The following ZMYND12 variants were observed in gnomAD, a reference collection of about 807,000 sequenced individuals.
ZMYND12 encodes zinc finger MYND domain-containing protein 12.
ZMYND12 carries 32 observed loss-of-function variants against 41.7 expected under a neutral mutation model. The observed-to-expected ratio is 0.77, with a 90% CI of 0.58 to 1.03. The LOEUF (loss-of-function observed/expected upper bound fraction) is 1.03. ZMYND12 is among the 50% of genes least tolerant of loss of function. ZMYND12 has a pLI of 0.00. For missense variants in ZMYND12, 424 were observed against 438.5 expected (o/e 0.97, Z 0.30); for synonymous variants, 148 against 164.8 (o/e 0.90, Z 0.78).
At chr1:42,449,847 C>T in intron 2 of ZMYND12, 71 bp downstream of exon 2, 1 of 1,576,792 alleles carries the variant, frequency 6.3e-7, no homozygotes, top group Non-Finnish European at 8.6e-7. Flanking sequence ...GATCCCAACA[C>T]AGTTCGAGCC....
chr1:42,438,877 G>T (rs778347677), intron 4 of ZMYND12, among the ~76,000 whole-genome samples: 1 of 152,138 alleles, frequency 6.6e-6, no homozygotes, highest in Non-Finnish European at 1.5e-5. Context: ...CAGATTTCAC[G>T]CCCAGGAACT....
intron 3 of ZMYND12, among the ~76,000 whole-genome samples, chr1:42,444,603 G>C (rs1643003143): frequency 6.6e-6 from 1 of 152,042 alleles, no homozygotes; most frequent in South Asian, 2.1e-4. Flanking sequence ...GAGGTTTCAG[G>C]TACTGTGAAA....
intron 1 of ZMYND12, 144 bp downstream of exon 1, chr1:42,455,744 G>A (rs1643161531): frequency 6.6e-6 from 4 of 607,806 alleles, no homozygotes; most frequent in South Asian, 2.0e-5. Flanking sequence ...GGCCACGGGA[G>A]TCTTAGGGGC....
chr1:42,447,720 T>G (rs937219319), intron 3 of ZMYND12, among the ~76,000 whole-genome samples: 3 of 152,226 alleles, frequency 2.0e-5, no homozygotes, highest in Admixed American at 6.5e-5. Context: ...ACAGTTTTAC[T>G]TTTAAAAAAG....
At chr1:42,440,418 T>C (rs1404031630) in intron 3 of ZMYND12, among the ~76,000 whole-genome samples, 1 of 152,146 alleles carries the variant, frequency 6.6e-6, no homozygotes, top group South Asian at 2.1e-4. Context: ...ATTCCATTTA[T>C]ATGAAATGTC....
chr1:42,451,331 G>A (rs1254242970), intron 1 of ZMYND12, among the ~76,000 whole-genome samples: 2 of 152,142 alleles, frequency 1.3e-5, no homozygotes, highest in African/African-American at 2.4e-5. Flanking sequence ...TTTGCTGCAT[G>A]TATTTTGAGG....
chr1:42,448,570 A>G lies in ZMYND12; in HGVS notation c.321T>C (p.Ala107=), dbSNP rs1406945312. The part of the protein sequence containing the change: ...KYLFEGKHED[A]VPAALQSLRF... ...GAAGGGACTGCAAAGCTGCTGGTAC[A>G]GCATCTTCGTGTTTCCCTTCAAAGA... Residue 107 remains alanine, a synonymous_variant, in exon 3 of 8, where the codon GCT becomes GCC. Transcript: ENST00000372565. 6.2e-7 allele frequency: 1 copy of G among 1,613,896 alleles called. No individual in the cohort carries two copies. Among genetic ancestry groups the G allele is most frequent in the Non-Finnish European group, 8.5e-7 (1 of 1,179,894 alleles).
At chr1:42,444,095 T>C (rs1012259300) in intron 3 of ZMYND12, among the ~76,000 whole-genome samples, 1 of 152,144 alleles carries the variant, frequency 6.6e-6, no homozygotes, top group African/African-American at 2.4e-5. Context: ...ATTCCTGGGC[T>C]CAAGAGATCC....
intron 1 of ZMYND12, among the ~76,000 whole-genome samples, chr1:42,451,488 T>C (rs1002428896): frequency 1.3e-5 from 2 of 152,198 alleles, no homozygotes; most frequent in African/African-American, 4.8e-5. Flanking sequence ...AGAAAAGCTT[T>C]TCTGTAAAGG....
intron 3 of ZMYND12, among the ~76,000 whole-genome samples, chr1:42,445,481 A>G (rs1174152988): frequency 6.6e-6 from 1 of 151,392 alleles, no homozygotes; most frequent in African/African-American, 2.4e-5. Flanking sequence ...GAGCCCTGGG[A>G]AAGCTTCTAG....
intron 1 of ZMYND12, among the ~76,000 whole-genome samples, chr1:42,450,990 T>C (rs1156292681): frequency 6.6e-6 from 1 of 152,244 alleles, no homozygotes; most frequent in Non-Finnish European, 1.5e-5. Flanking sequence ...TATTTTATGG[T>C]CTAATATATG....
chr1:42,430,759 T>A lies in ZMYND12; in HGVS notation c.1075A>T (p.Thr359Ser). ...TIQELLSLIS[T>S]EDHPIT ...CACTAAGTAATGGGATGGTCTTCAG[T>A]TGAAATGAGACTTAATAACTCTTGA... The change falls in exon 8 of 8, where the codon ACT (threonine) becomes TCT (serine). Residue 359 changes from threonine to serine, a missense_variant. Transcript: ENST00000372565. 6.2e-7 allele frequency: 1 copy of A among 1,614,124 alleles called. No homozygotes were observed. Among genetic ancestry groups the A allele is most frequent in the Non-Finnish European group, 8.5e-7 (1 of 1,180,004 alleles).
At position 42,436,525 on chromosome 1, in the gene ZMYND12, C is replaced by A; in HGVS notation, c.613G>T (p.Ala205Ser). The change falls in exon 5 of 8, where the codon GCA becomes TCA. Residue 205 changes from alanine to serine, a missense_variant. Physicochemically the swap from Ala to Ser is moderately conservative, Grantham distance 99. Transcript: ENST00000372565. ...GTCCTAATGTCCTCTGTTCCAAATGCACAACTGGCAAAATAAATCTATAGC... is the reference window on the plus strand; with the variant it reads ...GTCCTAATGTCCTCTGTTCCAAATGAACAACTGGCAAAATAAATCTATAGC... ...LANDIYFASC[A>S]FGTEDIRTSG... 6.2e-7 allele frequency: 1 copy of A among 1,613,156 alleles called. No homozygotes were observed. The highest frequency in any genetic ancestry group is 1.1e-5 in the South Asian group (1 of 91,066).
chr1:42,455,991 C>T lies in ZMYND12; in HGVS notation c.7G>A (p.Val3Met), dbSNP rs765610907. The change falls in exon 1 of 8, where the codon GTG (valine) becomes ATG (methionine). Residue 3 changes from valine (V) to methionine (M), a missense_variant. Val to Met is a conservative substitution (Grantham distance 21). Transcript: ENST00000372565. MNVIYPLAVPKGR... is the reference protein window; with the variant it reads MNMIYPLAVPKGR... ...TTGGGGACTGCCAGTGGGTAGATCA[C>T]ATTCATGGTGCAGCCAGCAGTGCTG... 1.9e-6 allele frequency: 3 copies of T among 1,611,742 alleles called. No individual in the cohort carries two copies. The East Asian group carries it at 6.7e-5, about 36-fold the overall frequency.
intron 3 of ZMYND12, among the ~76,000 whole-genome samples, chr1:42,447,961 G>A (rs1216842921): frequency 6.6e-6 from 1 of 152,098 alleles, no homozygotes; most frequent in Non-Finnish European, 1.5e-5. Context: ...TGTCTTCTAC[G>A]AATTTGTATT....
At chr1:42,431,597 T>C (rs758936980) in intron 7 of ZMYND12, among the ~76,000 whole-genome samples, 15 of 152,178 alleles carry the variant, frequency 9.9e-5, no homozygotes, top group South Asian at 8.3e-4. Flanking sequence ...CCAGTCTTGA[T>C]GGATAGATAG....
At chr1:42,448,750 AG>A in intron 2 of ZMYND12, 112 bp from the exon 3 acceptor site, 1 of 1,072,162 alleles carries the variant, frequency 9.3e-7, no homozygotes, top group Non-Finnish European at 1.3e-6. Flanking sequence ...AAAGGCACAT[AG>A]TGAGCCTGCC....
rs1205406531 is a variant in ZMYND12 at position 42,439,903 on chromosome 1, T to C, written c.547A>G (p.Ile183Val). The stretch of plus-strand genomic sequence containing the variant: ...GCCTCTTCATAGTTTTTCTTAGCTA[T>C]ATAGAGAAGTCCCAGATTCCGATGC... ...LLHRNLGLLY[I>V]AKKNYEEARY... is the part of the protein sequence containing the mutation. The change falls in exon 4 of 8, where the codon ATA (isoleucine) becomes GTA (valine). Residue 183 changes from isoleucine to valine, a missense_variant. Physicochemically the swap from Ile to Val is conservative, Grantham distance 29. Coordinates refer to ENST00000372565, the MANE Select transcript of ZMYND12 (RefSeq NM_032257.5). The C allele has an allele frequency of 6.2e-7, 1 of 1,614,084 alleles. No individual in the cohort carries two copies. Among genetic ancestry groups the C allele is most frequent in the South Asian group, 1.1e-5 (1 of 91,058 alleles).
At chr1:42,450,098 G>A (rs770884567) in intron 1 of ZMYND12, 39 bp from the exon 2 acceptor site, 9 of 1,606,494 alleles carry the variant, frequency 5.6e-6, no homozygotes, top group Non-Finnish European at 7.6e-6. Flanking sequence ...CTTTATATTT[G>A]GCATGACTTA....
Sources: allele counts gnomAD v4.1 joint callset (sites outside exome capture counted in the v4.1 genomes callset), GRCh38; gene constraint gnomAD v4.1.1; transcripts MANE v1.5; gene names NCBI Gene and HGNC (gene_info 2026-07-23, HGNC 2026-07-21).